TRIM9: variants seen among roughly 807,000 people sequenced by gnomAD.
TRIM9 encodes E3 ubiquitin-protein ligase TRIM9.
In TRIM9, 26 loss-of-function variants were observed where a neutral mutation model predicts 78.3. The ratio of observed to expected loss-of-function variants is 0.33; its 90% CI spans 0.24 to 0.46. The LOEUF is 0.46. TRIM9 is among the 20% of genes least tolerant of loss of function. The pLI, the probability that TRIM9 is intolerant of heterozygous loss-of-function variation, is 1.00. For missense variants in TRIM9, 787 were observed against 1,036.4 expected (o/e 0.76, Z 3.30); for synonymous variants, 398 against 416.5 (o/e 0.96, Z 0.54).
intron 9 of TRIM9, 82 bp from the exon 10 acceptor site, chr14:50,983,047 ATAGAC>A (rs2052181590): frequency 2.2e-6 from 3 of 1,337,114 alleles, no homozygotes; most frequent in Middle Eastern, 3.6e-4. Context: ...GTCTCTCTTG[ATAGAC>A]TAGTACCCCA....
intron 1 of TRIM9, among the ~76,000 whole-genome samples, chr14:51,074,836 C>T (rs12433567): frequency 0.27 from 41,279 of 152,098 alleles, 6,381 homozygotes; most frequent in East Asian, 0.51. Flanking sequence ...GGCTGTGGAG[C>T]CCCCAGGGCA....
chr14:51,029,109 T>C (rs1334962249), intron 1 of TRIM9, among the ~76,000 whole-genome samples: 1 of 152,192 alleles, frequency 6.6e-6, no homozygotes, highest in Non-Finnish European at 1.5e-5. Flanking sequence ...CAGTATCTTC[T>C]TTCCATTTCC....
At chr14:51,017,811 G>A (rs544371897) in intron 3 of TRIM9, among the ~76,000 whole-genome samples, 1 of 152,310 alleles carries the variant, frequency 6.6e-6, no homozygotes, top group South Asian at 2.1e-4. Flanking sequence ...GAGTGGGGGG[G>A]CTGTTCAGGG....
rs117480727 is a variant in TRIM9 at position 51,008,810 on chromosome 14, C to G, written c.1306+270G>C. Among the ~76,000 whole-genome samples the G allele has an allele frequency of 3.7e-4, 57 of 152,304 alleles. 1 individual carries two copies. The East Asian group carries it at 0.01, about 27-fold the overall frequency. ...TTATGTATTGTGATGATCTCTTTCT[C>G]TCTCTGCTTTCCTCTTTTTGTGTCA... is the stretch of plus-strand genomic sequence containing the variant. On this transcript the variant is annotated intron_variant, in intron 5 of 12. Transcript: ENST00000684578.
intron 1 of TRIM9, among the ~76,000 whole-genome samples, chr14:51,035,185 GT>G (rs2059035360): frequency 6.6e-6 from 1 of 152,180 alleles, no homozygotes; most frequent in African/African-American, 2.4e-5. Context: ...GCTATTCGTA[GT>G]GTATTTCTGG....
At chr14:51,093,333 A>T (rs2064570178) in intron 1 of TRIM9, among the ~76,000 whole-genome samples, 1 of 152,240 alleles carries the variant, frequency 6.6e-6, no homozygotes. Flanking sequence ...ATTCCGGAGA[A>T]GTGGGTGTGT....
Position 51,069,181 on chromosome 14 carries a change from C to T in TRIM9, c.822+24937G>A, listed in dbSNP as rs560712414. On this transcript the variant is annotated intron_variant, in intron 1 of 12. Coordinates refer to ENST00000684578, the MANE Select transcript of TRIM9 (RefSeq NM_001387360.1). The stretch of plus-strand genomic sequence containing the variant: ...CTTCTTCCAAGTGCATGGATATTTT[C>T]CTTTCTTAGATTGATTCCATTTCCA... Among the ~76,000 whole-genome samples, 14 of 152,282 alleles carry T rather than the reference C, an allele frequency of 9.2e-5. No homozygotes were observed. The East Asian group carries it at 2.1e-3, about 23-fold the overall frequency.
At chr14:51,006,760 A>T (rs1020916865) in intron 5 of TRIM9, among the ~76,000 whole-genome samples, 1 of 152,090 alleles carries the variant, frequency 6.6e-6, no homozygotes, top group Non-Finnish European at 1.5e-5. Context: ...TTTCAGATGG[A>T]TTTGTGCTGG....
chr14:51,086,482 G>A (rs550556367), intron 1 of TRIM9, among the ~76,000 whole-genome samples: 3 of 152,214 alleles, frequency 2.0e-5, no homozygotes, highest in South Asian at 4.1e-4. Flanking sequence ...AAAATACCGG[G>A]TTATATTGCT....
chr14:50,980,318 T>C (rs1166689285), intron 11 of TRIM9, among the ~76,000 whole-genome samples: 4 of 152,244 alleles, frequency 2.6e-5, no homozygotes, highest in Non-Finnish European at 5.9e-5. Context: ...CTTCAATTGA[T>C]GGTTTCACAA....
intron 12 of TRIM9, among the ~76,000 whole-genome samples, chr14:50,978,598 T>C (rs1261816922): frequency 2.0e-5 from 3 of 152,222 alleles, no homozygotes; most frequent in Non-Finnish European, 4.4e-5. Context: ...ATACTGTGGC[T>C]GCCCTTCCCA....
In TRIM9 at chr14:50,975,701, C is replaced by T. The variant is rs1159123739; in HGVS notation, c.*1590G>A. 1 of 152,622 alleles carries T rather than the reference C, an allele frequency of 6.6e-6. No homozygotes were observed. The highest frequency in any genetic ancestry group is 1.5e-5 in the Non-Finnish European group (1 of 68,036). The allele number at this position is 152,622 out of a possible 1,614,324, so 9.5% of individuals were successfully genotyped here. ...TGTTAGCTTTCCCATCCTATCTCTTCCCTTCTATTTGTTATTCTTGTTTTT... is the reference window on the plus strand; with the variant it reads ...TGTTAGCTTTCCCATCCTATCTCTTTCCTTCTATTTGTTATTCTTGTTTTT... On this transcript the variant is annotated 3_prime_UTR_variant, in exon 13 of 13. Coordinates refer to ENST00000684578, the MANE Select transcript of TRIM9 (RefSeq NM_001387360.1).
At chr14:50,992,740 A>G (rs1356136604) in intron 7 of TRIM9, among the ~76,000 whole-genome samples, 1 of 152,194 alleles carries the variant, frequency 6.6e-6, no homozygotes, top group Non-Finnish European at 1.5e-5. Flanking sequence ...CAATGCACAG[A>G]AGAAGGAGCT....
intron 1 of TRIM9, among the ~76,000 whole-genome samples, chr14:51,035,098 CAT>C (rs1197358436): frequency 4.6e-5 from 7 of 152,124 alleles, no homozygotes; most frequent in Non-Finnish European, 1.0e-4. Flanking sequence ...ATTTTGTTGA[CAT>C]ATAGAGACAT....
At chr14:51,029,171 T>C (rs1400981216) in intron 1 of TRIM9, among the ~76,000 whole-genome samples, 1 of 152,062 alleles carries the variant, frequency 6.6e-6, no homozygotes, top group African/African-American at 2.4e-5. Context: ...CCACAAATAT[T>C]GGATAGCGAT....
chr14:51,089,297 T>C (rs1195433596), intron 1 of TRIM9: 1 of 152,264 alleles, frequency 6.6e-6, no homozygotes, highest in Non-Finnish European at 1.5e-5. Context: ...TATCTTGTTA[T>C]AGGTTCTTCT....
intron 1 of TRIM9, among the ~76,000 whole-genome samples, chr14:51,044,108 T>G (rs571073655): frequency 6.6e-6 from 1 of 152,246 alleles, no homozygotes; most frequent in East Asian, 1.9e-4. Context: ...TTTAAAAAAT[T>G]TGCACAAGTA....
chr14:51,035,548 T>C (rs1263596123), intron 1 of TRIM9, among the ~76,000 whole-genome samples: 1 of 152,316 alleles, frequency 6.6e-6, no homozygotes, highest in South Asian at 2.1e-4. Flanking sequence ...CTGAAAATAA[T>C]TGGATCTCAA....
At position 50,981,957 on chromosome 14, in the gene TRIM9, T is replaced by A. The variant is rs760381941; in HGVS notation, c.2005A>T (p.Thr669Ser). Residue 669 changes from threonine to serine, a missense_variant, in exon 11 of 13, where the codon ACG becomes TCG. By Grantham distance (58) the Thr-to-Ser change is moderately conservative. Coordinates refer to ENST00000684578, the MANE Select transcript of TRIM9 (RefSeq NM_001387360.1). ...GGGTGGTTGTCATAGCGATCTACCG[T>A]GAGCTCCCAGTAGTGGATGCCCTTG... ...FSKGIHYWEL[T>S]VDRYDNHPDP... The A allele has an allele frequency of 3.7e-6, 6 of 1,614,170 alleles. No individual in the cohort carries two copies. The highest frequency in any genetic ancestry group is 4.2e-6 in the Non-Finnish European group (5 of 1,180,024).
Sources: allele counts gnomAD v4.1 joint callset (sites outside exome capture counted in the v4.1 genomes callset), GRCh38; gene constraint gnomAD v4.1.1; transcripts MANE v1.5; gene names NCBI Gene and HGNC (gene_info 2026-07-23, HGNC 2026-07-21).